Variants in CATSPER2 observed in about 807,000 individuals in gnomAD.
The protein encoded by CATSPER2 is cation channel sperm associated 2.
Under a neutral mutation model 68.8 loss-of-function variants are expected in CATSPER2, and 56 were observed. That is an observed-to-expected ratio of 0.81 (90% CI 0.66 to 1.02). The LOEUF (loss-of-function observed/expected upper bound fraction) is 1.02, where lower values mean the gene tolerates loss of function less well. CATSPER2 is among the 50% of genes least tolerant of loss of function. CATSPER2 has a pLI of 0.00. For missense variants in CATSPER2, 582 were observed against 642.0 expected, an observed-to-expected ratio of 0.91 and a Z score of 1.01; for synonymous variants, 198 against 229.9, an observed-to-expected ratio of 0.86 and a Z score of 1.26.
chr15:43,633,423 T>A (rs2085909970), intron 10 of CATSPER2: 2 of 183,566 alleles, frequency 1.1e-5, no homozygotes, highest in South Asian at 2.3e-4. Flanking sequence ...TCTCTCTGAC[T>A]TCATTTCCCA....
chr15:43,631,757 A>C (rs3099045), intron 12 of CATSPER2, among the ~76,000 whole-genome samples: 56,409 of 151,614 alleles, frequency 0.37, 12,957 homozygotes, highest in African/African-American at 0.63. Context: ...GTGTGGGCAT[A>C]CTGCTCATTG....
intron 4 of CATSPER2, among the ~76,000 whole-genome samples, chr15:43,645,538 G>A (rs1471035213): frequency 6.6e-6 from 1 of 151,780 alleles, no homozygotes; most frequent in African/African-American, 2.4e-5. Context: ...TGTAATCCCA[G>A]CACTTTGGGA....
At chr15:43,640,961 A>G (rs1451710249) in intron 4 of CATSPER2, among the ~76,000 whole-genome samples, 1 of 151,632 alleles carries the variant, frequency 6.6e-6, no homozygotes, top group Non-Finnish European at 1.5e-5. Flanking sequence ...TCATTAGGGT[A>G]TATCGAATTA....
chr15:43,640,240 T>G, intron 5 of CATSPER2, 84 bp downstream of exon 5: 4 of 1,588,292 alleles, frequency 2.5e-6, no homozygotes, highest in Non-Finnish European at 2.6e-6. Flanking sequence ...TGTTTCTTCC[T>G]ATTATCATGT....
rs561701879 is a variant in CATSPER2, at chr15:43,645,085, G to T, written c.388+1965C>A. 2.4e-4 allele frequency among the ~76,000 whole-genome samples: 37 copies of T among 151,746 alleles called. 1 individual carries two copies. Among genetic ancestry groups the T allele is most frequent in the Non-Finnish European group, 4.3e-4 (29 of 67,932 alleles). On this transcript the variant is annotated intron_variant, in intron 4 of 12. Transcript: ENST00000396879. ...GACTATTTTATTTTTTTGAGACAGG[G>T]TCTCACTTTGTCACCTAGGCTGGAG...
intron 7 of CATSPER2, among the ~76,000 whole-genome samples, chr15:43,638,291 T>TC (rs1157129857): frequency 1.6e-5 from 2 of 127,916 alleles, no homozygotes; most frequent in Non-Finnish European, 3.2e-5. Flanking sequence ...TCTTTCTTTT[T>TC]TTTTTTTTTT....
chr15:43,647,521 G>A, intron 2 of CATSPER2, 54 bp from the exon 3 acceptor site: 1 of 1,549,470 alleles, frequency 6.5e-7, no homozygotes, highest in Non-Finnish European at 8.9e-7. Flanking sequence ...AATAGACCAG[G>A]TAGGGTTGGG....
intron 12 of CATSPER2, among the ~76,000 whole-genome samples, chr15:43,630,952 C>G (rs1185006218): frequency 6.6e-6 from 1 of 151,924 alleles, no homozygotes; most frequent in East Asian, 1.9e-4. Context: ...CCCTGTCCTC[C>G]CTAGAGAATA....
chr15:43,637,245 A>G (rs1016029382), intron 7 of CATSPER2, among the ~76,000 whole-genome samples: 4 of 152,046 alleles, frequency 2.6e-5, no homozygotes, highest in African/African-American at 9.7e-5. Flanking sequence ...TCACAAAATT[A>G]TTCCTATTAG....
At chr15:43,638,813 T>G (rs1228908688) in intron 7 of CATSPER2, 91 bp downstream of exon 7, 20 of 1,471,256 alleles carry the variant, frequency 1.4e-5, no homozygotes, top group Middle Eastern at 1.7e-4. Flanking sequence ...TGGAATAGAC[T>G]GCACTTTTTA....
At chr15:43,631,573 C>T in intron 12 of CATSPER2, 1 of 336,970 alleles carries the variant, frequency 3.0e-6, no homozygotes, top group Non-Finnish European at 6.2e-6. Flanking sequence ...CCAAATTAGT[C>T]ATAGAGTAAT....
chr15:43,648,655 C>G lies in CATSPER2; in HGVS notation c.-29G>C, dbSNP rs2086218720. ...TCAGCCCAGGTTCTCTTTGCCCACT[C>G]AGTCCTTATTTCACGCTTCCGCCTC... is the stretch of plus-strand genomic sequence containing the variant. On this transcript the variant is annotated 5_prime_UTR_variant, in exon 1 of 13. Transcript: ENST00000396879. 1 of 1,410,640 alleles carries G rather than the reference C, an allele frequency of 7.1e-7. No homozygotes were observed. The highest frequency in any genetic ancestry group is 1.5e-5 in the African/African-American group (1 of 67,084). 87.4% of individuals were successfully genotyped at this position (1,410,640 alleles called of 1,614,324 possible). A position where few individuals can be genotyped will look rare whatever the true frequency, so the allele number is the denominator to read the frequency against.
In CATSPER2 at chr15:43,639,770, A is replaced by G. The variant is rs775344976; in HGVS notation, c.590T>C (p.Val197Ala). ...LSLLPEVVVL[V>A]GVTGQSVWLQ... ...CCACACCGATTGGCCTGTTACCCCT[A>G]CCAATACCACAACCTCGGGAAGCAG... Residue 197 changes from valine (V) to alanine (A), a missense_variant, in exon 6 of 13, where the codon GTA (valine) becomes GCA (alanine). Physicochemically the swap from Val to Ala is moderately conservative, Grantham distance 64. Transcript: ENST00000396879. 2.5e-6 allele frequency: 4 copies of G among 1,611,460 alleles called. No homozygotes were observed. The African/African-American group carries it at 5.4e-5, about 22-fold the overall frequency.
chr15:43,647,896 G>C (rs1442167028), intron 2 of CATSPER2, 21 bp downstream of exon 2: 5 of 1,612,358 alleles, frequency 3.1e-6, no homozygotes, highest in Non-Finnish European at 4.2e-6. Flanking sequence ...ATTTAAATTA[G>C]TGAAGAAATA....
chr15:43,639,373 T>C, intron 6 of CATSPER2: 1 of 467,056 alleles, frequency 2.1e-6, no homozygotes, highest in South Asian at 2.2e-5. Flanking sequence ...GCCTCCTGAG[T>C]AGCTGGGATT....
At chr15:43,631,544 A>G in intron 12 of CATSPER2, 1 of 380,926 alleles carries the variant, frequency 2.6e-6, no homozygotes, top group Admixed American at 3.1e-5. Context: ...TTTTCCTTTT[A>G]GAGGGAAATT....
intron 10 of CATSPER2, chr15:43,634,222 TTTTG>T (rs1170370336): frequency 7.2e-6 from 1 of 138,794 alleles, no homozygotes; most frequent in Non-Finnish European, 1.5e-5. Context: ...CTTTATTGTT[TTTTG>T]TTTGTTTTTT....
In CATSPER2 at chr15:43,630,346, A is replaced by G; in HGVS notation, c.*355T>C. Reference sequence around the variant, plus strand: ...TTATCTCAGGGTCACACTACTGAGCAGCTATCAGGAGTATTTATAAGACAC... The same window carrying G: ...TTATCTCAGGGTCACACTACTGAGCGGCTATCAGGAGTATTTATAAGACAC... On this transcript the variant is annotated 3_prime_UTR_variant, in exon 13 of 13. Coordinates refer to ENST00000396879, the MANE Select transcript of CATSPER2 (RefSeq NM_172095.4). The G allele has an allele frequency of 5.9e-6, 2 of 336,620 alleles. No individual in the cohort carries two copies. The highest frequency in any genetic ancestry group is 1.2e-5 in the Non-Finnish European group (2 of 173,290). 20.9% of individuals were successfully genotyped at this position (336,620 alleles called of 1,614,324 possible).
At position 43,632,796 on chromosome 15, in the gene CATSPER2, C is replaced by A; in HGVS notation, c.1317G>T (p.Glu439Asp). The A allele has an allele frequency of 6.2e-7, 1 of 1,610,596 alleles. No individual in the cohort carries two copies. The highest frequency in any genetic ancestry group is 8.5e-7 in the Non-Finnish European group (1 of 1,177,636). Reference protein sequence around the residue: ...KTEETLSKKREYQSSSCVSST... With the variant: ...KTEETLSKKRDYQSSSCVSST... Reference sequence around the variant, plus strand: ...AGGAGACACAGGAGGAAGACTGGTACTCTCTCTTTTTTGACAAGGTCTCTT... The same window carrying A: ...AGGAGACACAGGAGGAAGACTGGTAATCTCTCTTTTTTGACAAGGTCTCTT... Residue 439 changes from glutamate to aspartate, a missense_variant, in exon 11 of 13, where the codon GAG becomes GAT. By Grantham distance (45) the Glu-to-Asp change is conservative. This residue lies in a region of CATSPER2 where 235 missense variants were observed against 264.2 expected (regional missense o/e 0.89). Coordinates refer to ENST00000396879, the MANE Select transcript of CATSPER2 (RefSeq NM_172095.4).
Sources: gnomAD v4.1 joint callset for allele counts (sites outside exome capture counted in the v4.1 genomes callset) on GRCh38, gnomAD v4.1.1 for gene constraint, gnomAD v4.1.1 regional missense constraint, MANE v1.5 for transcripts, NCBI Gene and HGNC (gene_info 2026-07-23, HGNC 2026-07-21) for gene names.